PCDH10: variants seen among roughly 807,000 people sequenced by gnomAD.
PCDH10 encodes the protein protocadherin-10.
A neutral mutation model predicts 74.4 loss-of-function variants in PCDH10; 15 were observed. That is an observed-to-expected ratio of 0.20 (90% CI 0.13 to 0.31). PCDH10 has a LOEUF of 0.31. Among genes scored for constraint, PCDH10 ranks in the 10% least tolerant of loss-of-function variants. PCDH10 has a pLI of 1.00. For missense variants in PCDH10, 1,260 were observed against 1,390.2 expected (o/e 0.91, Z 1.49); for synonymous variants, 619 against 589.8 (o/e 1.05, Z -0.72).
chr4:133,206,590 A>C (rs936228777), intron 2 of PCDH10, among the ~76,000 whole-genome samples: 1 of 152,196 alleles, frequency 6.6e-6, no homozygotes, highest in Non-Finnish European at 1.5e-5. Context: ...TGCAGTTACT[A>C]TGTCAATTAT....
At chr4:133,160,277 ATAT>A (rs1380864815) in intron 3 of PCDH10, among the ~76,000 whole-genome samples, 1 of 151,938 alleles carries the variant, frequency 6.6e-6, no homozygotes, top group Non-Finnish European at 1.5e-5. Flanking sequence ...ATGAAGCTGT[ATAT>A]TATTACTAAA....
chr4:133,206,481 T>C (rs1728006271), intron 2 of PCDH10, among the ~76,000 whole-genome samples: 1 of 152,212 alleles, frequency 6.6e-6, no homozygotes, highest in African/African-American at 2.4e-5. Flanking sequence ...ACTTCAGAAC[T>C]AATTTGTGCT....
At position 133,150,981 on chromosome 4, in the gene PCDH10, C is replaced by G. The variant is rs748316231; in HGVS notation, c.841C>G (p.Gln281Glu). 1.2e-6 allele frequency: 2 copies of G among 1,613,928 alleles called. No homozygotes were observed. Among genetic ancestry groups the G allele is most frequent in the Admixed American group, 1.7e-5 (1 of 60,026 alleles). ...QLNATDPDEG[Q>E]NGEVVYSFSS... ...CAACGCCACCGACCCGGACGAGGGC[C>G]AGAACGGTGAGGTCGTGTACTCCTT... Residue 281 changes from glutamine to glutamate, a missense_variant, in exon 1 of 5, where the codon CAG (glutamine) becomes GAG (glutamate). By Grantham distance (29) the Gln-to-Glu change is conservative. Coordinates refer to ENST00000264360, the MANE Select transcript of PCDH10 (RefSeq NM_032961.3).
chr4:133,162,646 A>T (rs573642519), intron 3 of PCDH10, among the ~76,000 whole-genome samples: 1 of 152,232 alleles, frequency 6.6e-6, no homozygotes, highest in Non-Finnish European at 1.5e-5. Context: ...TTTTTAAAAG[A>T]TGTCTACCAT....
At chr4:133,159,506 T>G (rs2125861825) in intron 3 of PCDH10, among the ~76,000 whole-genome samples, 1 of 152,044 alleles carries the variant, frequency 6.6e-6, no homozygotes, top group South Asian at 2.1e-4. Context: ...AAAACTGAGG[T>G]TTGGAATAAT....
intron 2 of PCDH10, among the ~76,000 whole-genome samples, chr4:133,207,533 T>C (rs1728033437): frequency 6.6e-6 from 1 of 152,120 alleles, no homozygotes; most frequent in Admixed American, 6.6e-5. Context: ...CTAAGTACTT[T>C]GTTAGCTCCA....
intron 4 of PCDH10, among the ~76,000 whole-genome samples, chr4:133,184,767 TATATAA>T (rs1172232076): frequency 6.3e-5 from 3 of 47,868 alleles, no homozygotes; most frequent in South Asian, 5.6e-4. Flanking sequence ...TATGTGTAAA[TATATAA>T]ATATATATAT....
intron 4 of PCDH10, among the ~76,000 whole-genome samples, chr4:133,186,361 G>C (rs924456667): frequency 1.1e-4 from 17 of 152,026 alleles, no homozygotes; most frequent in Non-Finnish European, 2.5e-4. Context: ...GATTTCATTT[G>C]ATTGAAAATA....
At chr4:133,198,213 G>A (rs374580489), downstream of PCDH10, among the ~76,000 whole-genome samples, 201 of 152,094 alleles carry the variant, frequency 1.3e-3, 1 homozygote, top group African/African-American at 4.0e-3. Context: ...TTAACATTGC[G>A]TGAAAACCAC....
At chr4:133,162,293 A>C (rs1228854305) in intron 3 of PCDH10, among the ~76,000 whole-genome samples, 1 of 152,186 alleles carries the variant, frequency 6.6e-6, no homozygotes, top group East Asian at 1.9e-4. Context: ...GTGGTAAATA[A>C]TAAGTGGTTT....
At chr4:133,172,596 T>G (rs1366517482) in intron 4 of PCDH10, among the ~76,000 whole-genome samples, 2 of 152,056 alleles carry the variant, frequency 1.3e-5, no homozygotes. Context: ...TCCATTCTTC[T>G]GCCCACTTAC....
chr4:133,179,655 G>A (rs1359383471), intron 4 of PCDH10, among the ~76,000 whole-genome samples: 1 of 152,022 alleles, frequency 6.6e-6, no homozygotes, highest in Non-Finnish European at 1.5e-5. Context: ...CACTCTAACT[G>A]TAACTTCTTA....
At chr4:133,152,976 T>A in intron 1 of PCDH10, 1 of 1,447,340 alleles carries the variant, frequency 6.9e-7, no homozygotes, top group Non-Finnish European at 9.1e-7. Context: ...CTTTCACATT[T>A]ATTTTCATTC....
downstream of PCDH10, among the ~76,000 whole-genome samples, chr4:133,196,564 CT>C (rs1170315192): frequency 2.0e-5 from 3 of 152,184 alleles, no homozygotes; most frequent in East Asian, 5.8e-4. Flanking sequence ...TAGCCTCCAG[CT>C]GCATGATTCC....
intron 3 of PCDH10, among the ~76,000 whole-genome samples, chr4:133,158,449 T>C (rs1413012145): frequency 2.6e-5 from 4 of 152,140 alleles, no homozygotes; most frequent in Non-Finnish European, 5.9e-5. Flanking sequence ...TTGTTAGACA[T>C]TCTCTGAAAA....
chr4:133,189,319 A>AT (rs997223034), intron 4 of PCDH10, among the ~76,000 whole-genome samples: 3 of 152,164 alleles, frequency 2.0e-5, no homozygotes, highest in African/African-American at 7.2e-5. Context: ...GATAGATATG[A>AT]TGCAACTTCT....
downstream of PCDH10, among the ~76,000 whole-genome samples, chr4:133,198,367 G>T: frequency 6.6e-6 from 1 of 152,012 alleles, no homozygotes; most frequent in Admixed American, 6.6e-5. Flanking sequence ...GTTAAAACAA[G>T]GAAAAAAGTA....
In PCDH10 at chr4:133,191,717, C is replaced by T. The variant is rs1727673960; in HGVS notation, c.*1557C>T. ...GTCACAGCTCCCCTCGCCCTCTAAA[C>T]TATGATATCAAAACATCATATCAAA... On this transcript the variant is annotated 3_prime_UTR_variant, in exon 5 of 5. Coordinates refer to ENST00000264360, the MANE Select transcript of PCDH10 (RefSeq NM_032961.3). 1 of 151,590 alleles carries T rather than the reference C, an allele frequency of 6.6e-6. No homozygotes were observed. The highest frequency in any genetic ancestry group is 2.4e-5 in the African/African-American group (1 of 41,378). 9.4% of individuals were successfully genotyped at this position (151,590 alleles called of 1,614,324 possible). A position where few individuals can be genotyped will look rare whatever the true frequency, so the allele number is the denominator to read the frequency against.
chr4:133,162,944 A>T, intron 3 of PCDH10, 33 bp from the exon 4 acceptor site: 1 of 1,556,022 alleles, frequency 6.4e-7, no homozygotes, highest in Non-Finnish European at 8.8e-7. Context: ...GTTGGTGAAG[A>T]CTACATCCGT....
Sources: allele counts gnomAD v4.1 joint callset (sites outside exome capture counted in the v4.1 genomes callset), GRCh38; gene constraint gnomAD v4.1.1; transcripts MANE v1.5; gene names NCBI Gene and HGNC (gene_info 2026-07-23, HGNC 2026-07-21).